VPS37A: variants seen among roughly 807,000 people sequenced by gnomAD.
VPS37A encodes VPS37A subunit of ESCRT-I.
Under a neutral mutation model 49.8 loss-of-function variants are expected in VPS37A, and 30 were observed. The observed-to-expected ratio is 0.60, with a 90% CI of 0.45 to 0.82. The LOEUF (loss-of-function observed/expected upper bound fraction) is 0.82, where lower values mean the gene tolerates loss of function less well. Ranked by LOEUF, VPS37A falls within the 40% of genes least tolerant of loss-of-function variation. VPS37A has a pLI of 0.00. For missense variants in VPS37A, 593 were observed against 464.4 expected, an observed-to-expected ratio of 1.28 and a Z score of -2.55; for synonymous variants, 195 against 160.6, an observed-to-expected ratio of 1.21 and a Z score of -1.62.
At chr8:17,304,746 C>CGTGTGTGTGTGTGTGCGT (rs1817341326), downstream of VPS37A, among the ~76,000 whole-genome samples, 1 of 146,992 alleles carries the variant, frequency 6.8e-6, no homozygotes, top group South Asian at 2.1e-4. Context: ...GTGTTCGATT[C>CGTGTGTGTGTGTGTGCGT]GTGTGTGTGT....
At chr8:17,326,902 A>G in the VPS37A span, among the ~76,000 whole-genome samples, 2 of 152,230 alleles carry the variant, frequency 1.3e-5, no homozygotes, top group Non-Finnish European at 2.9e-5. Context: ...TTAAAAAAGG[A>G]ATATACCGAC....
In VPS37A at chr8:17,281,898, C is replaced by T. The variant is rs985202968; in HGVS notation, c.969+1455C>T. Reference sequence around the variant, plus strand: ...AAAGAAGAGCTGAGTTTTGTATTTTCTAAGACTATTTAGAGCAGCATAGAA... The same window carrying T: ...AAAGAAGAGCTGAGTTTTGTATTTTTTAAGACTATTTAGAGCAGCATAGAA... On this transcript the variant is annotated intron_variant, in intron 9 of 11. Coordinates refer to ENST00000324849, the MANE Select transcript of VPS37A (RefSeq NM_152415.3). Among the ~76,000 whole-genome samples the T allele has an allele frequency of 2.0e-5, 3 of 151,990 alleles. No homozygotes were observed. The East Asian group carries it at 5.8e-4, about 29-fold the overall frequency.
chr8:17,265,803 A>T (rs1370142473), intron 1 of VPS37A, 104 bp from the exon 2 acceptor site: 80 of 1,581,230 alleles, frequency 5.1e-5, no homozygotes, highest in Non-Finnish European at 6.8e-5. Context: ...AGATTCTGTG[A>T]TTAAAAATAA....
intron 1 of VPS37A, among the ~76,000 whole-genome samples, chr8:17,250,418 A>C (rs549598121): frequency 3.5e-4 from 53 of 152,326 alleles, no homozygotes; most frequent in African/African-American, 1.2e-3. Flanking sequence ...AGTTGAAAGA[A>C]TTTCCAGTGT....
At chr8:17,302,000 T>G (rs1444680997), downstream of VPS37A, 36 of 965,250 alleles carry the variant, frequency 3.7e-5, no homozygotes, top group African/African-American at 5.0e-5. Context: ...TTCGGTTATC[T>G]GAGTCCTGAC....
the VPS37A span, among the ~76,000 whole-genome samples, chr8:17,332,483 G>T: frequency 4.6e-5 from 7 of 152,280 alleles, no homozygotes; most frequent in African/African-American, 1.7e-4. Flanking sequence ...TGACCAAGAA[G>T]GAGGGCACAG....
chr8:17,279,783 G>T, intron 6 of VPS37A: 1 of 543,976 alleles, frequency 1.8e-6, no homozygotes, highest in East Asian at 4.5e-5. Context: ...TAGATATATC[G>T]ATATATCCAT....
intron 11 of VPS37A, among the ~76,000 whole-genome samples, chr8:17,287,255 A>T (rs974397068): frequency 6.6e-6 from 1 of 152,218 alleles, no homozygotes; most frequent in Non-Finnish European, 1.5e-5. Flanking sequence ...TATAGAGTAA[A>T]AATGAAGGAA....
chr8:17,275,065 A>G, intron 5 of VPS37A, 107 bp downstream of exon 5: 1 of 1,023,674 alleles, frequency 9.8e-7, no homozygotes, highest in Non-Finnish European at 1.4e-6. Context: ...GACACAAAAT[A>G]TGAAAAGATG....
At chr8:17,279,793 T>C (rs753996683) in intron 6 of VPS37A, 116 of 576,800 alleles carry the variant, frequency 2.0e-4, no homozygotes, top group Non-Finnish European at 3.4e-4. Context: ...GATATATCCA[T>C]TGGACCAAAA....
chr8:17,274,093 G>C (rs1010534169), intron 4 of VPS37A, among the ~76,000 whole-genome samples: 1 of 152,018 alleles, frequency 6.6e-6, no homozygotes, highest in Non-Finnish European at 1.5e-5. Context: ...AATTTGCTAA[G>C]GGGAAAAAAT....
chr8:17,247,409 G>A, intron 1 of VPS37A, 40 bp downstream of exon 1: 2 of 1,520,868 alleles, frequency 1.3e-6, no homozygotes, highest in Non-Finnish European at 1.8e-6. Context: ...AAAAAGTAGG[G>A]TGGGAGGGCG....
intron 2 of VPS37A, among the ~76,000 whole-genome samples, 188 bp from the exon 3 acceptor site, chr8:17,268,070 C>T (rs1261320972): frequency 6.6e-6 from 1 of 152,148 alleles, no homozygotes; most frequent in Non-Finnish European, 1.5e-5. Context: ...AATGACTAGT[C>T]TTGTTACCAA....
intron 4 of VPS37A, 49 bp from the exon 5 acceptor site, chr8:17,274,684 T>A: frequency 6.8e-7 from 1 of 1,461,244 alleles, no homozygotes; most frequent in Non-Finnish European, 9.5e-7. Flanking sequence ...CAATTTGACA[T>A]GTTTTATCCA....
downstream of VPS37A, among the ~76,000 whole-genome samples, chr8:17,304,789 A>G (rs1479949948): frequency 8.5e-6 from 1 of 117,836 alleles, no homozygotes; most frequent in Admixed American, 8.0e-5. Flanking sequence ...TTTTGGGGGG[A>G]GTTTTTTCCC....
intron 11 of VPS37A, among the ~76,000 whole-genome samples, chr8:17,291,068 C>T (rs1336800800): frequency 6.6e-6 from 1 of 152,140 alleles, no homozygotes; most frequent in Non-Finnish European, 1.5e-5. Context: ...GGCTGGAGTG[C>T]ATTGGTATGA....
the VPS37A span, among the ~76,000 whole-genome samples, chr8:17,325,467 A>G: frequency 6.6e-6 from 1 of 152,276 alleles, no homozygotes; most frequent in East Asian, 1.9e-4. Context: ...GTCAGGGAAC[A>G]TTTTTTTAAG....
At chr8:17,300,140 A>G (rs746509014), downstream of VPS37A, 1 of 1,614,136 alleles carries the variant, frequency 6.2e-7, no homozygotes, top group African/African-American at 1.3e-5. Flanking sequence ...TCTGAGGTAG[A>G]AAACCCTGAG....
downstream of VPS37A, chr8:17,301,793 G>T (rs1817131770): frequency 3.6e-6 from 1 of 275,912 alleles, no homozygotes; most frequent in African/African-American, 2.2e-5. Flanking sequence ...ATTTCTAAAA[G>T]TGGGGAAAGA....
Sources: allele counts gnomAD v4.1 joint callset (sites outside exome capture counted in the v4.1 genomes callset), GRCh38; gene constraint gnomAD v4.1.1; transcripts MANE v1.5; gene names NCBI Gene and HGNC (gene_info 2026-07-23, HGNC 2026-07-21).